TANC1: variants seen among roughly 807,000 people sequenced by gnomAD.
TANC1 encodes the protein protein TANC1.
Under a neutral mutation model 149.7 loss-of-function variants are expected in TANC1, and 77 were observed. The observed-to-expected ratio is 0.51, with a 90% CI of 0.43 to 0.62. TANC1 has a LOEUF of 0.62. Among genes scored for constraint, TANC1 ranks in the 20% least tolerant of loss-of-function variants. TANC1 has a pLI of 0.00. For missense variants in TANC1, 1,985 were observed against 2,321.8 expected, an observed-to-expected ratio of 0.85 and a Z score of 2.98; for synonymous variants, 854 against 925.0, an observed-to-expected ratio of 0.92 and a Z score of 1.39.
In TANC1 at chr2:159,177,292, G is replaced by A. The variant is rs540475726; in HGVS notation, c.1902+774G>A. On this transcript the variant is annotated intron_variant, in intron 13 of 26. Coordinates refer to ENST00000263635, the MANE Select transcript of TANC1 (RefSeq NM_033394.3). ...GCATGAGGTAACATTTGCAGCGAGGGGTAGGGTGATTTTTTTTTTCTCCTC... is the reference window on the plus strand; with the variant it reads ...GCATGAGGTAACATTTGCAGCGAGGAGTAGGGTGATTTTTTTTTTCTCCTC... 1.4e-3 allele frequency among the ~76,000 whole-genome samples: 217 copies of A among 152,106 alleles called. 1 individual carries two copies. The highest frequency in any genetic ancestry group is 4.9e-3 in the African/African-American group (205 of 41,488).
intron 1 of TANC1, among the ~76,000 whole-genome samples, chr2:158,977,215 C>G (rs2033789523): frequency 6.6e-6 from 1 of 152,242 alleles, no homozygotes; most frequent in Middle Eastern, 3.4e-3. Flanking sequence ...TGATAGTTCA[C>G]TGCAGCCTCC....
intron 3 of TANC1, among the ~76,000 whole-genome samples, chr2:159,095,733 CAAAAAAAA>C (rs61191170): frequency 4.0e-5 from 4 of 100,444 alleles, no homozygotes; most frequent in Non-Finnish European, 5.8e-5. Context: ...AAGACTGTCT[CAAAAAAAA>C]AAAAAAAAAA....
rs77893674 is a variant in TANC1 at position 158,991,487 on chromosome 2, C to T, written c.-125-9593C>T. On this transcript the variant is annotated intron_variant, in intron 1 of 26. Coordinates refer to ENST00000263635, the MANE Select transcript of TANC1 (RefSeq NM_033394.3). Reference sequence around the variant, plus strand: ...ATATATAAGAGGCTGGGGAGGGTGGCTCACGTCTGTAATCCCAGCACTTTG... The same window carrying T: ...ATATATAAGAGGCTGGGGAGGGTGGTTCACGTCTGTAATCCCAGCACTTTG... Among the ~76,000 whole-genome samples the T allele has an allele frequency of 6.8e-3, 1,034 of 152,176 alleles. 6 individuals carry two copies. Among genetic ancestry groups the T allele is most frequent in the African/African-American group, 0.023 (966 of 41,516 alleles).
In TANC1 at chr2:159,194,487, A is replaced by C. The variant is rs2057703797; in HGVS notation, c.2973A>C (p.Gly991=). The C allele has an allele frequency of 1.2e-6, 2 of 1,613,620 alleles. No homozygotes were observed. Among genetic ancestry groups the C allele is most frequent in the Non-Finnish European group, 1.7e-6 (2 of 1,179,674 alleles). ...MKLVCLLTKK[G]VRVDHLDKKG... is the part of the protein sequence containing the mutation. Reference sequence around the variant, plus strand: ...TGGTGTGTCTGCTGACCAAGAAGGGAGTGAGAGTAAGCGGCAGCCTGCTCT... The same window carrying C: ...TGGTGTGTCTGCTGACCAAGAAGGGCGTGAGAGTAAGCGGCAGCCTGCTCT... Residue 991 remains glycine, a synonymous_variant, in exon 17 of 27, where the codon GGA becomes GGC. Transcript: ENST00000263635.
chr2:159,146,474 C>CAGCA (rs1262164744), intron 5 of TANC1, among the ~76,000 whole-genome samples: 9 of 151,416 alleles, frequency 5.9e-5, no homozygotes, highest in Admixed American at 5.9e-4. Flanking sequence ...ACTTGGGTAG[C>CAGCA]AGCAAAGTCC....
chr2:159,230,719 G>C lies in TANC1; in HGVS notation c.5293G>C (p.Ala1765Pro). Reference protein sequence around the residue: ...NTSSAAGLQSANTEKPSLMQV... With the variant: ...NTSSAAGLQSPNTEKPSLMQV... ...GTCTTCTGCAGCTGGCCTGCAGTCT[G>C]CTAACACTGAGAAGCCCTCTCTCAT... Residue 1765 changes from alanine to proline, a missense_variant, in exon 27 of 27, where the codon GCT (alanine) becomes CCT (proline). Ala to Pro is a conservative substitution (Grantham distance 27). Transcript: ENST00000263635. The surrounding 1 kb of genome is among the most constrained non-coding windows in gnomAD (Gnocchi z 4.4). The C allele has an allele frequency of 1.9e-6, 3 of 1,614,194 alleles. No individual in the cohort carries two copies. The highest frequency in any genetic ancestry group is 2.5e-6 in the Non-Finnish European group (3 of 1,180,046).
intron 2 of TANC1, among the ~76,000 whole-genome samples, chr2:159,061,911 C>T (rs2042261670): frequency 1.3e-5 from 2 of 152,092 alleles, no homozygotes; most frequent in Non-Finnish European, 2.9e-5. Context: ...ATTGTTTGGT[C>T]AGTATTTGAG....
intron 3 of TANC1, among the ~76,000 whole-genome samples, chr2:159,085,732 G>A (rs2044768240): frequency 6.6e-6 from 1 of 152,076 alleles, no homozygotes; most frequent in Admixed American, 6.5e-5. Flanking sequence ...AATAGAGTGA[G>A]AACTCACTCA....
chr2:159,186,421 A>G (rs1046275867), intron 15 of TANC1, among the ~76,000 whole-genome samples: 7 of 152,092 alleles, frequency 4.6e-5, no homozygotes, highest in Admixed American at 4.6e-4. Flanking sequence ...GTGATATTCT[A>G]ATTCTGTCAT....
chr2:159,097,611 A>T, intron 3 of TANC1, 26 bp from the exon 4 acceptor site: 1 of 1,570,938 alleles, frequency 6.4e-7, no homozygotes, highest in Non-Finnish European at 8.8e-7. Flanking sequence ...GGATGGTTTA[A>T]CCTAAGTATT....
chr2:159,084,188 T>C (rs1010512059), intron 3 of TANC1, among the ~76,000 whole-genome samples: 2 of 149,382 alleles, frequency 1.3e-5, no homozygotes, highest in South Asian at 2.1e-4. Flanking sequence ...AGGTGGAGGG[T>C]GCAGTGAGCC....
intron 16 of TANC1, among the ~76,000 whole-genome samples, chr2:159,191,137 G>A (rs1206046858): frequency 1.3e-5 from 2 of 152,188 alleles, no homozygotes; most frequent in South Asian, 2.1e-4. Flanking sequence ...CTCTGATGGT[G>A]TAGACAGCGG....
chr2:159,134,199 G>T (rs1224816059), intron 4 of TANC1, among the ~76,000 whole-genome samples: 1 of 152,160 alleles, frequency 6.6e-6, no homozygotes, highest in Non-Finnish European at 1.5e-5. Context: ...TCTTACTGAT[G>T]TAAAATGTTT....
chr2:159,193,831 T>G (rs1178524256), intron 16 of TANC1, among the ~76,000 whole-genome samples: 1 of 152,118 alleles, frequency 6.6e-6, no homozygotes, highest in Non-Finnish European at 1.5e-5. Context: ...TCTACTGACA[T>G]TTTTAATTAA....
chr2:159,041,162 C>A (rs146122091), intron 2 of TANC1, among the ~76,000 whole-genome samples: 1 of 152,110 alleles, frequency 6.6e-6, no homozygotes, highest in East Asian at 1.9e-4. Context: ...AGCTTCATCT[C>A]GGAGGAGCAC....
intron 2 of TANC1, among the ~76,000 whole-genome samples, chr2:159,064,770 C>T (rs2042521139): frequency 6.6e-6 from 1 of 152,212 alleles, no homozygotes; most frequent in Admixed American, 6.5e-5. Context: ...CACAAAACTT[C>T]TGCTTACTCT....
chr2:159,100,204 G>A (rs1030396887), intron 4 of TANC1, among the ~76,000 whole-genome samples: 1 of 152,180 alleles, frequency 6.6e-6, no homozygotes, highest in Non-Finnish European at 1.5e-5. Flanking sequence ...TGGGCCTTAG[G>A]ACTGGGGAAA....
chr2:159,122,350 C>G (rs2048931173), intron 4 of TANC1, among the ~76,000 whole-genome samples: 1 of 152,080 alleles, frequency 6.6e-6, no homozygotes, highest in African/African-American at 2.4e-5. Context: ...GAGATGTTTA[C>G]CCAGGATTTG....
At chr2:159,047,758 C>T (rs928177540) in intron 2 of TANC1, among the ~76,000 whole-genome samples, 2 of 152,190 alleles carry the variant, frequency 1.3e-5, no homozygotes, top group African/African-American at 4.8e-5. Flanking sequence ...GGGCACATGT[C>T]ATCAGGACCT....
Sources: allele counts gnomAD v4.1 joint callset (sites outside exome capture counted in the v4.1 genomes callset), GRCh38; gene constraint gnomAD v4.1.1; non-coding constraint Gnocchi (gnomAD v3.1); transcripts MANE v1.5; gene names NCBI Gene and HGNC (gene_info 2026-07-23, HGNC 2026-07-21).